The following PTPRM variants were observed in gnomAD, a reference collection of about 807,000 sequenced individuals.
PTPRM encodes receptor-type tyrosine-protein phosphatase mu.
A neutral mutation model predicts 186.7 loss-of-function variants in PTPRM; 47 were observed. The observed-to-expected ratio is 0.25, with a 90% CI of 0.20 to 0.32. The LOEUF is 0.32. Ranked by LOEUF, PTPRM falls within the 10% of genes least tolerant of loss-of-function variation. The pLI, the probability that PTPRM is intolerant of heterozygous loss-of-function variation, is 1.00. For synonymous variants in PTPRM, 668 were observed against 674.9 expected, an observed-to-expected ratio of 0.99 and a Z score of 0.16; for missense variants, 1,494 against 1,865.0, an observed-to-expected ratio of 0.80 and a Z score of 3.66.
intron 14 of PTPRM, among the ~76,000 whole-genome samples, chr18:8,165,457 G>T (rs910330006): frequency 6.6e-6 from 1 of 152,192 alleles, no homozygotes; most frequent in African/African-American, 2.4e-5. Context: ...TACATTTGAA[G>T]CATGTCACCG....
At chr18:7,958,663 G>A (rs1357559357) in intron 7 of PTPRM, among the ~76,000 whole-genome samples, 4 of 152,060 alleles carry the variant, frequency 2.6e-5, no homozygotes, top group African/African-American at 7.2e-5. Context: ...ATGATCCACC[G>A]GATATTTCTA....
chr18:8,228,825 C>T (rs1822359396), intron 14 of PTPRM, among the ~76,000 whole-genome samples: 1 of 152,048 alleles, frequency 6.6e-6, no homozygotes, highest in Admixed American at 6.6e-5. Context: ...CGCACTCCAG[C>T]CTGGCGACAC....
Position 8,205,633 on chromosome 18 carries a change from A to G in PTPRM, c.2301-38425A>G, listed in dbSNP as rs148851915. On this transcript the variant is annotated intron_variant, in intron 14 of 32. Transcript: ENST00000580170. Reference sequence around the variant, plus strand: ...AAATAATTTGACACATCCACTACCCATAACACATGTTCAGTGGATATCATG... The same window carrying G: ...AAATAATTTGACACATCCACTACCCGTAACACATGTTCAGTGGATATCATG... Among the ~76,000 whole-genome samples the G allele has an allele frequency of 2.3e-3, 349 of 152,340 alleles. 18 individuals carry two copies. In the South Asian group the frequency reaches 0.066, roughly 29 times the overall value.
chr18:8,141,780 A>G (rs2092772677), intron 13 of PTPRM, among the ~76,000 whole-genome samples: 1 of 152,088 alleles, frequency 6.6e-6, no homozygotes, highest in African/African-American at 2.4e-5. Flanking sequence ...GCTTTCCAGT[A>G]TGTCAACATT....
At chr18:8,114,381 T>G (rs2091877803) in intron 12 of PTPRM, among the ~76,000 whole-genome samples, 1 of 152,174 alleles carries the variant, frequency 6.6e-6, no homozygotes, top group Non-Finnish European at 1.5e-5. Flanking sequence ...AGTGGGTCCC[T>G]CCTTCGCAGC....
chr18:7,705,279 T>TTATCTATCTATCTATC (rs67662119), intron 1 of PTPRM, among the ~76,000 whole-genome samples: 10 of 146,600 alleles, frequency 6.8e-5, no homozygotes, highest in African/African-American at 1.0e-4. Context: ...AAATATCTAT[T>TTATCTATCTATCTATC]TATCTATCTA....
At chr18:7,762,278 C>T (rs1367903961) in intron 1 of PTPRM, among the ~76,000 whole-genome samples, 1 of 151,868 alleles carries the variant, frequency 6.6e-6, no homozygotes, top group Non-Finnish European at 1.5e-5. Flanking sequence ...GAGGTGTTGT[C>T]CGAGCTGGGA....
chr18:7,891,882 G>C (rs139934811), intron 3 of PTPRM, among the ~76,000 whole-genome samples: 173 of 150,884 alleles, frequency 1.1e-3, no homozygotes, highest in African/African-American at 4.1e-3. Context: ...CTCAAAAAAG[G>C]AAAAAAAAAG....
intron 7 of PTPRM, among the ~76,000 whole-genome samples, chr18:8,065,565 C>T (rs778003870): frequency 6.6e-6 from 1 of 152,110 alleles, no homozygotes; most frequent in Admixed American, 6.5e-5. Flanking sequence ...ATGATTCATG[C>T]CAACGGGGCC....
rs532283178 is a variant in PTPRM, at chr18:8,188,446, TC to T, written c.2300+44669del. Among the ~76,000 whole-genome samples, 40 of 152,344 alleles carry T rather than the reference TC, an allele frequency of 2.6e-4. No homozygotes were observed. The South Asian group carries it at 8.1e-3, about 31-fold the overall frequency. On this transcript the variant is annotated intron_variant, in intron 14 of 32. Transcript: ENST00000580170. ...TGTGATGAATCACGGACTGAACACT[TC>T]CTGTATGTAACAGGTGGTGCGTTAC... is the stretch of plus-strand genomic sequence containing the variant.
intron 1 of PTPRM, among the ~76,000 whole-genome samples, chr18:7,600,571 G>A (rs1363909549): frequency 2.0e-5 from 3 of 152,162 alleles, no homozygotes; most frequent in Admixed American, 2.0e-4. Flanking sequence ...TAACTCAAAA[G>A]TCCATGTCCT....
chr18:7,871,195 C>T (rs961048044), intron 2 of PTPRM, among the ~76,000 whole-genome samples: 1 of 152,184 alleles, frequency 6.6e-6, no homozygotes, highest in Non-Finnish European at 1.5e-5. Context: ...CTGTGGAGCA[C>T]TGATTAATCC....
At chr18:7,599,137 C>A (rs1194474827) in intron 1 of PTPRM, among the ~76,000 whole-genome samples, 1 of 151,978 alleles carries the variant, frequency 6.6e-6, no homozygotes, top group African/African-American at 2.4e-5. Flanking sequence ...ATTCTTCAGT[C>A]ACTACTGAGG....
chr18:7,919,093 A>T (rs888143636), intron 4 of PTPRM, among the ~76,000 whole-genome samples: 47 of 152,268 alleles, frequency 3.1e-4, no homozygotes, highest in African/African-American at 1.1e-3. Flanking sequence ...GTCAAAGACA[A>T]GTTGGCTACA....
intron 1 of PTPRM, among the ~76,000 whole-genome samples, chr18:7,718,311 G>A (rs551121440): frequency 1.6e-4 from 25 of 152,216 alleles, no homozygotes; most frequent in Admixed American, 1.6e-3. Flanking sequence ...TAAAGTGGGG[G>A]AAGGACACCC....
chr18:7,976,124 G>A (rs979124103), intron 7 of PTPRM, among the ~76,000 whole-genome samples: 1 of 152,080 alleles, frequency 6.6e-6, no homozygotes, highest in Non-Finnish European at 1.5e-5. Flanking sequence ...AGCCAAGATC[G>A]CGCCATTGCA....
chr18:8,317,880 T>G (rs1284740320), intron 21 of PTPRM, among the ~76,000 whole-genome samples: 1 of 152,210 alleles, frequency 6.6e-6, no homozygotes, highest in African/African-American at 2.4e-5. Flanking sequence ...ATAGTATGGA[T>G]AAGTCAAGCA....
intron 11 of PTPRM, among the ~76,000 whole-genome samples, chr18:8,102,393 T>G (rs745506621): frequency 2.6e-5 from 4 of 152,206 alleles, no homozygotes; most frequent in Non-Finnish European, 5.9e-5. Flanking sequence ...AAAATTGGAG[T>G]CAATCCTCTC....
At chr18:7,673,128 G>A (rs755849262) in intron 1 of PTPRM, among the ~76,000 whole-genome samples, 1 of 152,166 alleles carries the variant, frequency 6.6e-6, no homozygotes, top group Non-Finnish European at 1.5e-5. Context: ...GGAGAGAACT[G>A]GAGATTAATG....
Sources: gnomAD v4.1 joint callset for allele counts (sites outside exome capture counted in the v4.1 genomes callset) on GRCh38, gnomAD v4.1.1 for gene constraint, MANE v1.5 for transcripts, NCBI Gene and HGNC (gene_info 2026-07-23, HGNC 2026-07-21) for gene names.